RAVER1: variants seen among roughly 807,000 people sequenced by gnomAD.
RAVER1 encodes ribonucleoprotein, PTB binding 1.
A neutral mutation model predicts 68.4 loss-of-function variants in RAVER1; 36 were observed. The ratio of observed to expected loss-of-function variants is 0.53; its 90% CI spans 0.40 to 0.70. The LOEUF is 0.70. RAVER1 is among the 30% of genes least tolerant of loss of function. The pLI is 0.00. For missense variants in RAVER1, 933 were observed against 1,019.8 expected, an observed-to-expected ratio of 0.91 and a Z score of 1.16; for synonymous variants, 469 against 472.7, an observed-to-expected ratio of 0.99 and a Z score of 0.10.
At chr19:10,327,614 G>T (rs936593257) in intron 3 of RAVER1, among the ~76,000 whole-genome samples, 11 of 152,166 alleles carry the variant, frequency 7.2e-5, no homozygotes, top group Non-Finnish European at 1.3e-4. Flanking sequence ...TCTGGAGCTA[G>T]GCTGCGGTGT....
rs1168825855 is a variant in RAVER1 at position 10,329,950 on chromosome 19, C to G, written c.286+510G>C. On this transcript the variant is annotated intron_variant, in intron 2 of 12. Coordinates refer to ENST00000617231, the MANE Select transcript of RAVER1 (RefSeq NM_133452.3). The surrounding 1 kb of genome is among the most constrained non-coding windows in gnomAD (Gnocchi z 4.6). ...ACCTGGACCCACCCAGGTAGAAACC[C>G]TGTCTCTACTAAAAATACAAAAATT... is the stretch of plus-strand genomic sequence containing the variant. 6.6e-6 allele frequency among the ~76,000 whole-genome samples: 1 copy of G among 151,988 alleles called. No individual in the cohort carries two copies. The highest frequency in any genetic ancestry group is 6.6e-5 in the Admixed American group (1 of 15,232).
Position 10,323,673 on chromosome 19 carries a change from C to T in RAVER1, c.757-107G>A. On this transcript the variant is annotated intron_variant, in intron 3 of 12. Coordinates refer to ENST00000617231, the MANE Select transcript of RAVER1 (RefSeq NM_133452.3). The surrounding 1 kb of genome is among the most constrained non-coding windows in gnomAD (Gnocchi z 6.2). ...TCAGCTGCCCCATAAGGGTGAACTC[C>T]ACGCCAGGCCTCCACTGCCCTGTGC... The T allele has an allele frequency of 8.8e-7, 1 of 1,140,764 alleles. No homozygotes were observed. The highest frequency in any genetic ancestry group is 1.2e-6 in the Non-Finnish European group (1 of 819,956). 70.7% of individuals were successfully genotyped at this position (1,140,764 alleles called of 1,614,324 possible). A position where few individuals can be genotyped will look rare whatever the true frequency, so the allele number is the denominator to read the frequency against.
chr19:10,321,561 C>T lies in RAVER1; in HGVS notation c.1231G>A (p.Ala411Thr). The change falls in exon 7 of 13, where the codon GCC becomes ACC. Residue 411 changes from alanine (A) to threonine (T), a missense_variant. Transcript: ENST00000617231. ...GGCAGCTCCCCGAGGAGGGGGTTGG[C>T]TGGCTGGGCCCCAGGCTGGAGGGCG... ...LGALQPGAQP[A>T]NPLLGELPAG... The T allele has an allele frequency of 7.3e-7, 1 of 1,370,424 alleles. No individual in the cohort carries two copies. The highest frequency in any genetic ancestry group is 9.5e-7 in the Non-Finnish European group (1 of 1,054,714). The allele number at this position is 1,370,424 out of a possible 1,614,324, so 84.9% of individuals were successfully genotyped here.
chr19:10,317,814 G>T lies in RAVER1; in HGVS notation c.1990-41C>A. 2 of 1,189,606 alleles carry T rather than the reference G, an allele frequency of 1.7e-6. No homozygotes were observed. The highest frequency in any genetic ancestry group is 2.4e-6 in the Non-Finnish European group (2 of 817,794). 73.7% of individuals were successfully genotyped at this position (1,189,606 alleles called of 1,614,324 possible). The stretch of plus-strand genomic sequence containing the variant: ...AGGTGGAACAGGTCACTCCCTGGGG[G>T]CCAGAGGAAGCACCCACCCCGCCCC... On this transcript the variant is annotated intron_variant, in intron 11 of 12. Transcript: ENST00000617231. This position sits in a 1 kb window ranked among gnomAD's most constrained non-coding sequence, Gnocchi z 4.3.
chr19:10,317,536 T>C lies in RAVER1; in HGVS notation c.2138A>G (p.Glu713Gly), dbSNP rs774945199. The C allele has an allele frequency of 1.2e-6, 2 of 1,613,636 alleles. No homozygotes were observed. The highest frequency in any genetic ancestry group is 8.5e-7 in the Non-Finnish European group (1 of 1,179,714). ...GGAGTGCTGGCCCACATAGCTGCCT[T>C]CTGGGCTGGGCTCGGGCGAGGGCAG... ...HLLPSPEPSPEGSYVGQHSQG... is the reference protein window; with the variant it reads ...HLLPSPEPSPGGSYVGQHSQG... Residue 713 changes from glutamate to glycine, a missense_variant, in exon 13 of 13, where the codon GAA (glutamate) becomes GGA (glycine). Glu to Gly is a moderately conservative substitution (Grantham distance 98). Transcript: ENST00000617231. This position sits in a 1 kb window ranked among gnomAD's most constrained non-coding sequence, Gnocchi z 4.3.
At chr19:10,332,426 C>T (rs948660629) in intron 1 of RAVER1, among the ~76,000 whole-genome samples, 1 of 152,158 alleles carries the variant, frequency 6.6e-6, no homozygotes, top group East Asian at 1.9e-4. Flanking sequence ...CAGAAAGAAA[C>T]CTGACCATCC....
Position 10,321,062 on chromosome 19 carries a change from G to T in RAVER1, c.1459C>A (p.Pro487Thr). 7.3e-7 allele frequency: 1 copy of T among 1,379,142 alleles called. No homozygotes were observed. The allele number at this position is 1,379,142 out of a possible 1,614,324, so 85.4% of individuals were successfully genotyped here. A position where few individuals can be genotyped will look rare whatever the true frequency, so the allele number is the denominator to read the frequency against. ...RGLQKDSGPL[P>T]TPPGVSLLGE... is the part of the protein sequence containing the mutation. Reference sequence around the variant, plus strand: ...CAGGGCCTTACCCCAGGGGGCGTCGGCAGAGGCCCACTGTCTTTCTGGAGG... The same window carrying T: ...CAGGGCCTTACCCCAGGGGGCGTCGTCAGAGGCCCACTGTCTTTCTGGAGG... The change falls in exon 8 of 13, where the codon CCG becomes ACG. Residue 487 changes from proline (P) to threonine (T), a missense_variant. Physicochemically the swap from Pro to Thr is conservative, Grantham distance 38. Coordinates refer to ENST00000617231, the MANE Select transcript of RAVER1 (RefSeq NM_133452.3).
rs201530543 is a variant in RAVER1, at chr19:10,323,978, GTC to G, written c.757-414_757-413del. Among the ~76,000 whole-genome samples, 2,444 of 152,064 alleles carry G rather than the reference GTC, an allele frequency of 0.016. 73 individuals carry two copies. Among genetic ancestry groups the G allele is most frequent in the African/African-American group, 0.056 (2,340 of 41,464 alleles). ...AGCCTGACCAACATGGAGAAACCCC[GTC>G]TCTACTAAAAATACAAAATTAGCCA... On this transcript the variant is annotated intron_variant, in intron 3 of 12. Coordinates refer to ENST00000617231, the MANE Select transcript of RAVER1 (RefSeq NM_133452.3). The surrounding 1 kb of genome is among the most constrained non-coding windows in gnomAD (Gnocchi z 6.2).
intron 3 of RAVER1, among the ~76,000 whole-genome samples, chr19:10,326,165 G>A (rs951973682): frequency 1.1e-4 from 17 of 152,194 alleles, no homozygotes; most frequent in Non-Finnish European, 2.9e-5. Context: ...TGAAGCTGGA[G>A]AATCACTTGA....
intron 1 of RAVER1, among the ~76,000 whole-genome samples, chr19:10,331,393 C>CA (rs1171709414): frequency 0.072 from 3,491 of 48,528 alleles, 239 homozygotes; most frequent in East Asian, 0.12. Flanking sequence ...ATAACAACAA[C>CA]AAAAAAAAAA....
chr19:10,318,408 T>A, intron 10 of RAVER1, 36 bp from the exon 11 acceptor site: 1 of 1,536,900 alleles, frequency 6.5e-7, no homozygotes, highest in Non-Finnish European at 8.8e-7. Context: ...AAGCAGACAA[T>A]TGTAGTACCC....
intron 9 of RAVER1, 36 bp from the exon 10 acceptor site, chr19:10,319,276 T>C: frequency 2.5e-6 from 4 of 1,599,360 alleles, no homozygotes; most frequent in Non-Finnish European, 3.4e-6. Context: ...TGGGTTGGAG[T>C]CTGTCCCAGC....
chr19:10,322,655 TG>T lies in RAVER1; in HGVS notation c.1162del (p.Gln388ArgfsTer119). On this transcript the variant is annotated frameshift_variant, in exon 6 of 13. Transcript: ENST00000617231. LOFTEE classifies it high-confidence loss of function. This position sits in a 1 kb window ranked among gnomAD's most constrained non-coding sequence, Gnocchi z 4.3. ...TALLQLALQT[Q>X]GQKKPGILGD... ...GGATGCGTGTGTTACCTTCTGGCCC[TG>T]GGTCTGCAGGGCGAGCTGCAACAGC... 6.5e-7 allele frequency: 1 copy of T among 1,537,594 alleles called. No homozygotes were observed. The highest frequency in any genetic ancestry group is 1.3e-5 in the South Asian group (1 of 78,576).
At chr19:10,324,945 G>A in intron 3 of RAVER1, among the ~76,000 whole-genome samples, 1 of 152,122 alleles carries the variant, frequency 6.6e-6, no homozygotes. Flanking sequence ...CAGCTCTTTG[G>A]GAGGCAAAGG....
chr19:10,320,699 G>A lies in RAVER1; in HGVS notation c.1726C>T (p.Pro576Ser). Reference sequence around the variant, plus strand: ...TAGCTGTCAGACAGTCCTGGTTCGGGGGGCAGGCGGGCGCTGCTGAGGGGG... The same window carrying A: ...TAGCTGTCAGACAGTCCTGGTTCGGAGGGCAGGCGGGCGCTGCTGAGGGGG... The part of the protein sequence containing the change: ...LSPLSSARLP[P>S]EPGLSDSYSF... The change falls in exon 9 of 13, where the codon CCC becomes TCC. Residue 576 changes from proline to serine, a missense_variant. Pro to Ser is a moderately conservative substitution (Grantham distance 74). This residue lies in a region of RAVER1 where 699 missense variants were observed against 731.1 expected (regional missense o/e 0.96). Transcript: ENST00000617231. The A allele has an allele frequency of 6.5e-7, 1 of 1,546,540 alleles. No homozygotes were observed. Among genetic ancestry groups the A allele is most frequent in the Admixed American group, 2.2e-5 (1 of 45,260 alleles).
intron 3 of RAVER1, among the ~76,000 whole-genome samples, chr19:10,327,022 G>A (rs1013900942): frequency 3.3e-5 from 5 of 151,694 alleles, no homozygotes; most frequent in Non-Finnish European, 5.9e-5. Flanking sequence ...CACCTGCCTC[G>A]GCCTCTCAAA....
rs748016374 is a variant in RAVER1, at chr19:10,333,472, C to A, written c.36G>T (p.Pro12=). The A allele has an allele frequency of 3.1e-6, 5 of 1,610,240 alleles. No individual in the cohort carries two copies. Among genetic ancestry groups the A allele is most frequent in the Non-Finnish European group, 4.2e-6 (5 of 1,179,228 alleles). The stretch of plus-strand genomic sequence containing the variant: ...CTTCGGCCCCAGACTTAGGGCTCAG[C>A]GGGGGCCGGTGAGTAACGGACACGT... The part of the protein sequence containing the change: ...AADVSVTHRP[P]LSPKSGAEVE... Residue 12 remains proline (P), a synonymous_variant, in exon 1 of 13, where the codon CCG becomes CCT. Transcript: ENST00000617231. The surrounding 1 kb of genome is among the most constrained non-coding windows in gnomAD (Gnocchi z 4.2).
rs760408188 is a variant in RAVER1, at chr19:10,323,330, G to A, written c.948+45C>T. 6.2e-7 allele frequency: 1 copy of A among 1,610,264 alleles called. No homozygotes were observed. The highest frequency in any genetic ancestry group is 1.7e-5 in the Admixed American group (1 of 59,388). ...GCCGCTGGGGCCCTGACATCCCCAT[G>A]GGGCTCCCATCCCCACCCCGCCACC... On this transcript the variant is annotated intron_variant, in intron 4 of 12. Transcript: ENST00000617231. This position sits in a 1 kb window ranked among gnomAD's most constrained non-coding sequence, Gnocchi z 6.2.
chr19:10,329,407 AG>A lies in RAVER1; in HGVS notation c.287-297del, dbSNP rs1356470304. On this transcript the variant is annotated intron_variant, in intron 2 of 12. Coordinates refer to ENST00000617231, the MANE Select transcript of RAVER1 (RefSeq NM_133452.3). The surrounding 1 kb of genome is among the most constrained non-coding windows in gnomAD (Gnocchi z 4.6). ...GCTGTGGGTCACTCGGGTGATACCA[AG>A]GGCAGTGGTTAAGCCCATGCTCACT... 2.6e-5 allele frequency among the ~76,000 whole-genome samples: 4 copies of A among 152,238 alleles called. No homozygotes were observed. The highest frequency in any genetic ancestry group is 9.6e-5 in the African/African-American group (4 of 41,462).
Sources: gnomAD v4.1 joint callset for allele counts (sites outside exome capture counted in the v4.1 genomes callset) on GRCh38, gnomAD v4.1.1 for gene constraint, gnomAD v4.1.1 regional missense constraint, Gnocchi (gnomAD v3.1) non-coding constraint, MANE v1.5 for transcripts, NCBI Gene and HGNC (gene_info 2026-07-23, HGNC 2026-07-21) for gene names.